Variants in ERC2 observed in about 807,000 individuals in gnomAD.
The protein encoded by ERC2 is ELKS/RAB6-interacting/CAST family member 2.
A neutral mutation model predicts 114.8 loss-of-function variants in ERC2; 42 were observed. The ratio of observed to expected loss-of-function variants is 0.37; its 90% CI spans 0.29 to 0.47. The LOEUF (loss-of-function observed/expected upper bound fraction) is 0.47. ERC2 is among the 20% of genes least tolerant of loss of function. The pLI is 0.99. For synonymous variants in ERC2, 454 were observed against 425.5 expected (o/e 1.07, Z -0.82); for missense variants, 939 against 1,150.7 (o/e 0.82, Z 2.66).
chr3:55,727,556 A>G (rs1424244097), intron 15 of ERC2, among the ~76,000 whole-genome samples: 1 of 152,222 alleles, frequency 6.6e-6, no homozygotes, highest in Non-Finnish European at 1.5e-5. Context: ...CAACACCTGA[A>G]GAGCATCACA....
At chr3:55,542,887 A>G (rs553358886) in intron 17 of ERC2, among the ~76,000 whole-genome samples, 1 of 152,232 alleles carries the variant, frequency 6.6e-6, no homozygotes, top group African/African-American at 2.4e-5. Flanking sequence ...TCTGCTTTCT[A>G]TTTCCACCCA....
At chr3:56,045,574 C>T (rs948912551) in intron 7 of ERC2, among the ~76,000 whole-genome samples, 1 of 152,226 alleles carries the variant, frequency 6.6e-6, no homozygotes. Context: ...ACGAAAGCCA[C>T]GGTGTTGCAT....
At chr3:56,167,954 T>A (rs1222513899) in intron 4 of ERC2, among the ~76,000 whole-genome samples, 1 of 152,176 alleles carries the variant, frequency 6.6e-6, no homozygotes, top group Non-Finnish European at 1.5e-5. Flanking sequence ...CATAAGCCAC[T>A]CCATCTCTCA....
At chr3:55,750,643 T>C (rs938745563) in intron 14 of ERC2, among the ~76,000 whole-genome samples, 1 of 151,764 alleles carries the variant, frequency 6.6e-6, no homozygotes, top group Non-Finnish European at 1.5e-5. Flanking sequence ...AAGTGTCTGA[T>C]TGAGAGTTGA....
intron 17 of ERC2, among the ~76,000 whole-genome samples, chr3:55,653,135 C>T (rs1452600631): frequency 2.0e-5 from 3 of 152,290 alleles, no homozygotes; most frequent in East Asian, 3.9e-4. Flanking sequence ...AGAAAAATAA[C>T]TCACATATAG....
intron 3 of ERC2, among the ~76,000 whole-genome samples, chr3:56,276,308 G>T (rs1174455952): frequency 6.6e-6 from 1 of 151,958 alleles, no homozygotes; most frequent in Non-Finnish European, 1.5e-5. Flanking sequence ...ATAATTTCCT[G>T]TTCTGGCAGC....
chr3:55,898,833 T>C (rs1363865552), intron 13 of ERC2, among the ~76,000 whole-genome samples: 1 of 152,064 alleles, frequency 6.6e-6, no homozygotes, highest in Non-Finnish European at 1.5e-5. Context: ...ATACACAAAA[T>C]ATGCATTGTT....
At chr3:56,053,547 A>G (rs1224757971) in intron 7 of ERC2, among the ~76,000 whole-genome samples, 1 of 152,204 alleles carries the variant, frequency 6.6e-6, no homozygotes, top group East Asian at 1.9e-4. Flanking sequence ...TGCCATTACA[A>G]TTATTGTTGG....
chr3:55,900,738 G>C lies in ERC2; in HGVS notation c.2404-12189C>G, dbSNP rs564482005. Among the ~76,000 whole-genome samples the C allele has an allele frequency of 2.6e-5, 4 of 152,236 alleles. No homozygotes were observed. In the South Asian group the frequency reaches 8.3e-4, roughly 32 times the overall value. On this transcript the variant is annotated intron_variant, in intron 13 of 17. Coordinates refer to ENST00000288221, the MANE Select transcript of ERC2 (RefSeq NM_015576.3). ...CAAAGCACCCTTGCATCCTCCACCT[G>C]GCACAGCCTCTTCTCAAACACACAG...
In ERC2 at chr3:55,651,709, G is replaced by A. The variant is rs76380165; in HGVS notation, c.*39+32085C>T. ...GTTTGATAAGGAGTAAGTCTACTAG[G>A]TATAGCCAAACAAGTATTTTGTCAA... On this transcript the variant is annotated intron_variant, in intron 17 of 17. Transcript: ENST00000288221. Among the ~76,000 whole-genome samples the A allele has an allele frequency of 1.5e-3, 224 of 152,252 alleles. 1 individual carries two copies. The highest frequency in any genetic ancestry group is 5.2e-3 in the African/African-American group (216 of 41,542).
chr3:55,888,788 A>T (rs951124707), intron 13 of ERC2, among the ~76,000 whole-genome samples: 1 of 152,154 alleles, frequency 6.6e-6, no homozygotes, highest in Non-Finnish European at 1.5e-5. Flanking sequence ...TTGAGGGATA[A>T]AAGACTACAC....
chr3:56,173,055 TA>T (rs1396949688), intron 4 of ERC2, among the ~76,000 whole-genome samples: 3 of 152,238 alleles, frequency 2.0e-5, no homozygotes, highest in African/African-American at 7.2e-5. Context: ...CCACTGCATG[TA>T]AAATAACTTC....
intron 14 of ERC2, among the ~76,000 whole-genome samples, chr3:55,777,906 T>TA (rs1382236768): frequency 9.9e-5 from 15 of 152,040 alleles, no homozygotes; most frequent in Admixed American, 9.8e-4. Context: ...GAGGCAATTC[T>TA]AAAAAAAATT....
intron 1 of ERC2, among the ~76,000 whole-genome samples, chr3:56,451,156 A>AAAAAATCTT (rs1430790522): frequency 1.3e-5 from 2 of 152,210 alleles, no homozygotes; most frequent in African/African-American, 2.4e-5. Flanking sequence ...GTCTTACACT[A>AAAAAATCTT]AAAAATCTTC....
chr3:55,936,186 C>T (rs1051430680), intron 13 of ERC2, among the ~76,000 whole-genome samples: 6 of 152,186 alleles, frequency 3.9e-5, no homozygotes, highest in African/African-American at 1.4e-4. Context: ...CTTCTCTTCC[C>T]TCACAGATAC....
At chr3:55,918,165 T>A (rs1395970492) in intron 13 of ERC2, among the ~76,000 whole-genome samples, 1 of 152,120 alleles carries the variant, frequency 6.6e-6, no homozygotes, top group Non-Finnish European at 1.5e-5. Flanking sequence ...GATAAGTTAC[T>A]TTCATTGACC....
At chr3:55,955,999 G>T (rs2067927908) in intron 12 of ERC2, among the ~76,000 whole-genome samples, 1 of 152,158 alleles carries the variant, frequency 6.6e-6, no homozygotes, top group East Asian at 1.9e-4. Context: ...TGATTGTGAG[G>T]GGTTGATGAG....
At chr3:55,805,867 G>C (rs892330631) in intron 14 of ERC2, among the ~76,000 whole-genome samples, 2 of 152,066 alleles carry the variant, frequency 1.3e-5, no homozygotes, top group African/African-American at 4.8e-5. Flanking sequence ...ACTGACCAAG[G>C]GCCTACTCAC....
chr3:56,010,327 G>A, intron 9 of ERC2, 122 bp downstream of exon 9: 4 of 1,213,806 alleles, frequency 3.3e-6, no homozygotes, highest in Non-Finnish European at 4.5e-6. Context: ...ACAAAAGAAA[G>A]GTTACTACAT....
Sources: gnomAD v4.1 joint callset for allele counts (sites outside exome capture counted in the v4.1 genomes callset) on GRCh38, gnomAD v4.1.1 for gene constraint, MANE v1.5 for transcripts, NCBI Gene and HGNC (gene_info 2026-07-23, HGNC 2026-07-21) for gene names.